Variants in ANKFN1 observed in about 807,000 individuals in gnomAD.
ANKFN1 encodes ankyrin repeat and fibronectin type III domain containing 1, also known as ankyrin repeat and fibronectin type-III domain-containing protein 1.
In ANKFN1, 74 loss-of-function variants were observed where a neutral mutation model predicts 108.7. The observed-to-expected ratio is 0.68, with a 90% confidence interval of 0.56 to 0.83. ANKFN1 has a LOEUF of 0.83. ANKFN1 is among the 40% of genes least tolerant of loss of function. ANKFN1 has a pLI of 0.00. For synonymous variants in ANKFN1, 547 were observed against 516.2 expected (o/e 1.06, Z -0.81); for missense variants, 1,505 against 1,382.3 (o/e 1.09, Z -1.41).
At chr17:56,345,377 G>C (rs1224996922) in intron 4 of ANKFN1, among the ~76,000 whole-genome samples, 1 of 152,116 alleles carries the variant, frequency 6.6e-6, no homozygotes, top group Non-Finnish European at 1.5e-5. Context: ...CTTTATAGTA[G>C]AATGATTTAT....
chr17:56,506,799 G>T (rs1217294233), intron 20 of ANKFN1, among the ~76,000 whole-genome samples: 2 of 151,982 alleles, frequency 1.3e-5, no homozygotes, highest in African/African-American at 4.8e-5. Flanking sequence ...TGCTAAGGTG[G>T]ATGGCAGCAT....
chr17:56,145,941 C>A (rs766755450), intron 4 of ANKFN1, among the ~76,000 whole-genome samples: 1 of 152,178 alleles, frequency 6.6e-6, no homozygotes, highest in Non-Finnish European at 1.5e-5. Flanking sequence ...TGAGACAAGA[C>A]AAGTTCCTTC....
chr17:56,305,229 C>T (rs1338971857), intron 3 of ANKFN1, among the ~76,000 whole-genome samples: 1 of 152,142 alleles, frequency 6.6e-6, no homozygotes, highest in Non-Finnish European at 1.5e-5. Context: ...GGGTAACCAC[C>T]CCCATGATTA....
chr17:56,372,772 A>G lies in ANKFN1; in HGVS notation c.728A>G (p.Lys243Arg). 1 of 1,614,054 alleles carries G rather than the reference A, an allele frequency of 6.2e-7. No homozygotes were observed. Among genetic ancestry groups the G allele is most frequent in the Non-Finnish European group, 8.5e-7 (1 of 1,179,966 alleles). The change falls in exon 7 of 21, where the codon AAG becomes AGG. Residue 243 changes from lysine (K) to arginine (R), a missense_variant. By Grantham distance (26) the Lys-to-Arg change is conservative. Coordinates refer to ENST00000682825, the MANE Select transcript of ANKFN1 (RefSeq NM_001370326.1). The stretch of plus-strand genomic sequence containing the variant: ...ACTCTGGACAACACAGAGAAAGAGA[A>G]GCAGCTGAAAGCTTGGGAGTGGAGG... ...GFTLDNTEKE[K>R]QLKAWEWRYR...
At chr17:56,188,551 GTGTGTGTGTGTA>G (rs1279340771) in intron 1 of ANKFN1, among the ~76,000 whole-genome samples, 17 of 64,850 alleles carry the variant, frequency 2.6e-4, no homozygotes, top group African/African-American at 5.7e-4. Context: ...GTATATGTGT[GTGTGTGTGTGTA>G]TGTGTGTGTG....
chr17:56,211,693 G>C (rs1302362317), intron 1 of ANKFN1, among the ~76,000 whole-genome samples: 1 of 152,110 alleles, frequency 6.6e-6, no homozygotes, highest in Non-Finnish European at 1.5e-5. Flanking sequence ...GATTGCTTTT[G>C]GCAGTATGGT....
At chr17:56,382,921 G>C (rs1192098960) in intron 8 of ANKFN1, among the ~76,000 whole-genome samples, 1 of 152,134 alleles carries the variant, frequency 6.6e-6, no homozygotes, top group Non-Finnish European at 1.5e-5. Context: ...AAAGATCAAT[G>C]AGACAGGAAG....
At chr17:56,354,118 T>C in intron 6 of ANKFN1, 72 bp downstream of exon 6, 1 of 1,461,908 alleles carries the variant, frequency 6.8e-7, no homozygotes. Flanking sequence ...AAATAGCCAT[T>C]GCTGACTTTC....
chr17:56,446,694 A>G (rs2049302718), intron 10 of ANKFN1, among the ~76,000 whole-genome samples: 1 of 151,758 alleles, frequency 6.6e-6, no homozygotes, highest in Non-Finnish European at 1.5e-5. Context: ...CACCTGAGGT[A>G]AGAGTTCAAG....
intron 3 of ANKFN1, among the ~76,000 whole-genome samples, chr17:56,255,233 G>C (rs967095241): frequency 4.6e-5 from 7 of 151,882 alleles, no homozygotes; most frequent in Non-Finnish European, 1.0e-4. Flanking sequence ...CCTTGAACCA[G>C]GGGCCCTCAA....
intron 8 of ANKFN1, among the ~76,000 whole-genome samples, chr17:56,401,672 T>A (rs1256083374): frequency 6.6e-6 from 1 of 152,058 alleles, no homozygotes; most frequent in Non-Finnish European, 1.5e-5. Flanking sequence ...TGAATGCCCC[T>A]TTTTTTCTCT....
intron 4 of ANKFN1, among the ~76,000 whole-genome samples, chr17:56,086,729 T>A (rs531152973): frequency 6.6e-6 from 1 of 151,474 alleles, no homozygotes; most frequent in Non-Finnish European, 1.5e-5. Flanking sequence ...GTGCACATTG[T>A]CCTACAGAAA....
chr17:56,165,160 A>T (rs1910033121), intron 1 of ANKFN1, among the ~76,000 whole-genome samples: 1 of 152,198 alleles, frequency 6.6e-6, no homozygotes, highest in African/African-American at 2.4e-5. Context: ...CATTCTGTTA[A>T]ATGTTTTAAA....
At chr17:56,284,720 C>T (rs1396335590) in intron 3 of ANKFN1, among the ~76,000 whole-genome samples, 1 of 152,190 alleles carries the variant, frequency 6.6e-6, no homozygotes, top group Non-Finnish European at 1.5e-5. Context: ...AAAATGTCCA[C>T]TCCACAAAAG....
At chr17:56,126,585 T>C (rs1260614848) in intron 4 of ANKFN1, among the ~76,000 whole-genome samples, 6 of 152,172 alleles carry the variant, frequency 3.9e-5, no homozygotes, top group Non-Finnish European at 1.5e-5. Context: ...TTAAGGAATG[T>C]AAAAGCCACA....
chr17:56,450,438 G>A (rs2049444938), intron 11 of ANKFN1, among the ~76,000 whole-genome samples: 1 of 152,166 alleles, frequency 6.6e-6, no homozygotes, highest in African/African-American at 2.4e-5. Context: ...CAAGTGTTTG[G>A]AAGAAAATAA....
chr17:56,506,923 T>C (rs1159754989), intron 20 of ANKFN1, among the ~76,000 whole-genome samples: 1 of 152,156 alleles, frequency 6.6e-6, no homozygotes, highest in Non-Finnish European at 1.5e-5. Flanking sequence ...ATCTGCAAAA[T>C]GAGAATTGCT....
At chr17:56,446,799 G>T (rs568662236) in intron 10 of ANKFN1, among the ~76,000 whole-genome samples, 1 of 152,184 alleles carries the variant, frequency 6.6e-6, no homozygotes, top group African/African-American at 2.4e-5. Context: ...CAGCTACTAG[G>T]GAGGCTGAGG....
intron 4 of ANKFN1, among the ~76,000 whole-genome samples, chr17:56,332,606 G>C (rs373048837): frequency 6.6e-6 from 1 of 151,904 alleles, no homozygotes. Context: ...GATCATATAC[G>C]TACAGGTTGT....
Sources: allele counts gnomAD v4.1 joint callset (sites outside exome capture counted in the v4.1 genomes callset), GRCh38; gene constraint gnomAD v4.1.1; transcripts MANE v1.5; gene names NCBI Gene and HGNC (gene_info 2026-07-23, HGNC 2026-07-21).